The following AKR1B15 variants were observed in gnomAD, a reference collection of about 807,000 sequenced individuals.
AKR1B15 encodes the protein estradiol 17-beta-dehydrogenase AKR1B15.
AKR1B15 carries 49 observed loss-of-function variants against 38.5 expected under a neutral mutation model. The ratio of observed to expected loss-of-function variants is 1.27; its 90% CI spans 1.01 to 1.62. AKR1B15 has a LOEUF of 1.62. Ranked by LOEUF, AKR1B15 falls within the 40% of genes most tolerant of loss-of-function variation. The pLI is 0.00. For synonymous variants in AKR1B15, 137 were observed against 135.5 expected (o/e 1.01, Z -0.08); for missense variants, 411 against 381.6 (o/e 1.08, Z -0.64).
intron 11 of AKR1B15, among the ~76,000 whole-genome samples, chr7:134,578,450 A>T (rs1038076646): frequency 7.2e-5 from 11 of 152,188 alleles, no homozygotes; most frequent in Non-Finnish European, 2.9e-5. Flanking sequence ...GGATTAAATC[A>T]TCTCCAAATG....
chr7:134,576,065 G>C, intron 8 of AKR1B15, 138 bp downstream of exon 8: 1 of 1,427,018 alleles, frequency 7.0e-7, no homozygotes, highest in Admixed American at 2.7e-5. Context: ...CACACAAATG[G>C]GATGGCAGTG....
chr7:134,558,416 A>G (rs1445412165), intron 2 of AKR1B15, among the ~76,000 whole-genome samples: 1 of 152,224 alleles, frequency 6.6e-6, no homozygotes, highest in African/African-American at 2.4e-5. Flanking sequence ...GCGCTAATTG[A>G]AAACATCATA....
At chr7:134,555,275 G>A (rs1236428957) in intron 1 of AKR1B15, among the ~76,000 whole-genome samples, 1 of 152,056 alleles carries the variant, frequency 6.6e-6, no homozygotes, top group Non-Finnish European at 1.5e-5. Context: ...TTTCCAGCTG[G>A]GTGACCTAGT....
rs183864609 is a variant in AKR1B15 at position 134,571,015 on chromosome 7, A to C, written c.436-589A>C. On this transcript the variant is annotated intron_variant, in intron 5 of 11. Transcript: ENST00000457545. The stretch of plus-strand genomic sequence containing the variant: ...TTTTATTAAGCAAAGCACACCTGGC[A>C]GTGGCATCTTGGAGAAAAGTCCAAG... 2.0e-3 allele frequency among the ~76,000 whole-genome samples: 304 copies of C among 152,336 alleles called. 2 individuals are homozygous for C. Among genetic ancestry groups the C allele is most frequent in the African/African-American group, 6.9e-3 (287 of 41,578 alleles).
rs577362427 is a variant in AKR1B15 at position 134,569,538 on chromosome 7, G to C, written c.435+9G>C. On this transcript the variant is annotated intron_variant, in intron 5 of 11. Transcript: ENST00000457545. ...GGCCACAGGGATTCAAGGTTTGAGT[G>C]ACTCCCTTTCTCAGCCTCTAGTTTC... The C allele has an allele frequency of 3.1e-6, 5 of 1,613,822 alleles. No individual in the cohort carries two copies. The highest frequency in any genetic ancestry group is 2.7e-5 in the African/African-American group (2 of 75,044).
At chr7:134,570,954 G>A (rs546707825) in intron 5 of AKR1B15, among the ~76,000 whole-genome samples, 1 of 152,190 alleles carries the variant, frequency 6.6e-6, no homozygotes, top group African/African-American at 2.4e-5. Flanking sequence ...AACCTCTTGG[G>A]TTATTCTTCC....
intron 1 of AKR1B15, among the ~76,000 whole-genome samples, chr7:134,552,736 C>CT (rs374229038): frequency 1.7e-4 from 26 of 151,872 alleles, no homozygotes; most frequent in African/African-American, 5.3e-4. Context: ...TTCAAGGATG[C>CT]TTTTTTTTGC....
intron 2 of AKR1B15, among the ~76,000 whole-genome samples, chr7:134,562,201 G>A (rs967269383): frequency 1.3e-5 from 2 of 152,132 alleles, no homozygotes; most frequent in Admixed American, 6.5e-5. Context: ...CTGGAGCAGC[G>A]GACCTTCACA....
intron 2 of AKR1B15, among the ~76,000 whole-genome samples, chr7:134,562,468 T>C (rs1297014464): frequency 6.6e-6 from 1 of 151,032 alleles, no homozygotes; most frequent in Non-Finnish European, 1.5e-5. Context: ...TTTTACAGAG[T>C]GCTGATTGGT....
intron 2 of AKR1B15, among the ~76,000 whole-genome samples, chr7:134,562,494 C>T (rs1375293590): frequency 6.6e-6 from 1 of 151,992 alleles, no homozygotes; most frequent in East Asian, 1.9e-4. Flanking sequence ...TTACAGAGCG[C>T]TGATTGGTCC....
chr7:134,577,591 A>C, intron 10 of AKR1B15, 113 bp from the exon 11 acceptor site: 1 of 1,231,742 alleles, frequency 8.1e-7, no homozygotes, highest in Non-Finnish European at 1.2e-6. Flanking sequence ...AAAAACTCCT[A>C]TGGCCAGTTT....
At chr7:134,571,751 T>C (rs1794674191) in intron 6 of AKR1B15, 70 bp downstream of exon 6, 2 of 1,213,398 alleles carry the variant, frequency 1.6e-6, no homozygotes, top group Non-Finnish European at 1.2e-6. Context: ...CCCATTGATA[T>C]GAAAGAGGCC....
intron 1 of AKR1B15, among the ~76,000 whole-genome samples, chr7:134,551,465 G>A (rs759063665): frequency 6.6e-6 from 1 of 152,214 alleles, no homozygotes; most frequent in Non-Finnish European, 1.5e-5. Context: ...TGGGATGAGT[G>A]TCAGCAACTC....
chr7:134,556,393 T>C (rs918298770), intron 1 of AKR1B15, among the ~76,000 whole-genome samples: 1 of 152,160 alleles, frequency 6.6e-6, no homozygotes, highest in African/African-American at 2.4e-5. Context: ...GTAGAAGCCA[T>C]GCTCAAAATG....
intron 2 of AKR1B15, among the ~76,000 whole-genome samples, chr7:134,559,356 AG>A (rs1185770532): frequency 6.6e-6 from 1 of 152,174 alleles, no homozygotes; most frequent in Non-Finnish European, 1.5e-5. Flanking sequence ...ATAAGTACAA[AG>A]GGTGGAGAGC....
intron 5 of AKR1B15, chr7:134,570,486 T>C (rs530837437): frequency 2.6e-5 from 4 of 152,280 alleles, no homozygotes; most frequent in Admixed American, 2.0e-4. Context: ...CTTGAGGGCA[T>C]CATGGAACCT....
Position 134,579,614 on chromosome 7 carries a change from A to G in AKR1B15, c.*65A>G, listed in dbSNP as rs1794841026. The G allele has an allele frequency of 6.4e-6, 9 of 1,414,064 alleles. No homozygotes were observed. Among genetic ancestry groups the G allele is most frequent in the Non-Finnish European group, 8.7e-6 (9 of 1,040,350 alleles). The allele number at this position is 1,414,064 out of a possible 1,614,324, so 87.6% of individuals were successfully genotyped here. ...TCTTCGCTGAAGTGTGACTGTCTCC[A>G]CTCAAGAACTATTTTAGCCAAGCTT... is the stretch of plus-strand genomic sequence containing the variant. On this transcript the variant is annotated 3_prime_UTR_variant, in exon 12 of 12. Transcript: ENST00000457545.
At chr7:134,572,009 G>T (rs1300966661) in intron 6 of AKR1B15, among the ~76,000 whole-genome samples, 1 of 152,132 alleles carries the variant, frequency 6.6e-6, no homozygotes, top group Non-Finnish European at 1.5e-5. Flanking sequence ...GAGTAACCTA[G>T]GGTCAGTTTT....
chr7:134,569,588 C>T, intron 5 of AKR1B15, 59 bp downstream of exon 5: 18 of 1,572,778 alleles, frequency 1.1e-5, no homozygotes, highest in Middle Eastern at 1.7e-4. Context: ...AATTCAGGGA[C>T]CCCCAACAGA....
Sources: gnomAD v4.1 joint callset for allele counts (sites outside exome capture counted in the v4.1 genomes callset) on GRCh38, gnomAD v4.1.1 for gene constraint, MANE v1.5 for transcripts, NCBI Gene and HGNC (gene_info 2026-07-23, HGNC 2026-07-21) for gene names.